The following FBLN2 variants were observed in gnomAD, a reference collection of about 807,000 sequenced individuals.
FBLN2 encodes the protein fibulin 2.
FBLN2 carries 81 observed loss-of-function variants against 123.7 expected under a neutral mutation model. That is an observed-to-expected ratio of 0.65 (90% CI 0.55 to 0.79). FBLN2 has a LOEUF of 0.79. Among genes scored for constraint, FBLN2 ranks in the 30% least tolerant of loss-of-function variants. The pLI is 0.00. For synonymous variants in FBLN2, 699 were observed against 701.4 expected, an observed-to-expected ratio of 1.00 and a Z score of 0.05; for missense variants, 1,603 against 1,681.3, an observed-to-expected ratio of 0.95 and a Z score of 0.81.
At chr3:13,590,197 T>TG (rs1456567374) in intron 2 of FBLN2, among the ~76,000 whole-genome samples, 6 of 152,198 alleles carry the variant, frequency 3.9e-5, no homozygotes, top group African/African-American at 1.4e-4. Flanking sequence ...TTTGTAGAGA[T>TG]GGGGTCTACC....
chr3:13,618,088 A>G lies in FBLN2; in HGVS notation c.1742A>G (p.Glu581Gly), dbSNP rs377647774. The G allele has an allele frequency of 1.2e-6, 2 of 1,613,128 alleles. No homozygotes were observed. The highest frequency in any genetic ancestry group is 8.5e-7 in the Non-Finnish European group (1 of 1,179,900). The change falls in exon 6 of 18, where the codon GAG becomes GGG. Residue 581 changes from glutamate (E) to glycine (G), a missense_variant. Transcript: ENST00000404922. ...ACCCCTGTCCTAGTTTCAGAGGCAGAGATGGCGGGCCGAGAGGCCCTGTCA... is the reference window on the plus strand; with the variant it reads ...ACCCCTGTCCTAGTTTCAGAGGCAGGGATGGCGGGCCGAGAGGCCCTGTCA... ...AAAPRRVSEA[E>G]MAGREALSLG...
rs76731692 is a variant in FBLN2 at position 13,574,390 on chromosome 3, T to C, written c.1306+2729T>C. ...AGGGTTCCTCCGTGTGGCCCTCCAT[T>C]GTGCCAGCCCTGCGGGAAAAGCCGC... On this transcript the variant is annotated intron_variant, in intron 2 of 17. Transcript: ENST00000404922. Among the ~76,000 whole-genome samples the C allele has an allele frequency of 6.8e-3, 1,043 of 152,288 alleles. 4 individuals carry two copies. The highest frequency in any genetic ancestry group is 0.027 in the Middle Eastern group (8 of 294).
chr3:13,621,835 C>T lies in FBLN2; in HGVS notation c.2216C>T (p.Thr739Ile). 1.9e-6 allele frequency: 3 copies of T among 1,614,004 alleles called. No homozygotes were observed. Among genetic ancestry groups the T allele is most frequent in the Non-Finnish European group, 8.5e-7 (1 of 1,179,888 alleles). The change falls in exon 9 of 18, where the codon ACC becomes ATC. Residue 739 changes from threonine (T) to isoleucine (I), a missense_variant. Coordinates refer to ENST00000404922, the MANE Select transcript of FBLN2 (RefSeq NM_001004019.2). ...AGCCGGCGACAGTTCTGTGTGAACACCCTGGGATCCTTCTACTGTGTCAAC... is the reference window on the plus strand; with the variant it reads ...AGCCGGCGACAGTTCTGTGTGAACATCCTGGGATCCTTCTACTGTGTCAAC... Reference protein sequence around the residue: ...DCSRRQFCVNTLGSFYCVNHT... With the variant: ...DCSRRQFCVNILGSFYCVNHT...
chr3:13,628,086 C>T (rs548328085), intron 11 of FBLN2, 117 bp downstream of exon 11: 6 of 1,331,644 alleles, frequency 4.5e-6, no homozygotes, highest in African/African-American at 2.9e-5. Context: ...ATTCCTCTCC[C>T]AGCCCCCTTG....
chr3:13,601,586 G>A (rs749043055), intron 2 of FBLN2, among the ~76,000 whole-genome samples: 11 of 152,178 alleles, frequency 7.2e-5, no homozygotes, highest in Non-Finnish European at 1.5e-4. Flanking sequence ...CCCGGCCTCC[G>A]ACACAGCACC....
At chr3:13,637,435 G>A (rs1428126088) in intron 17 of FBLN2, 127 bp from the exon 18 acceptor site, 2 of 847,800 alleles carry the variant, frequency 2.4e-6, no homozygotes, top group Non-Finnish European at 3.6e-6. Context: ...GGACTTGCCT[G>A]AGGCTTCCCG....
chr3:13,610,043 G>A (rs1205480464), intron 4 of FBLN2, among the ~76,000 whole-genome samples: 2 of 152,362 alleles, frequency 1.3e-5, no homozygotes, highest in Admixed American at 1.3e-4. Context: ...GATAAGTAGT[G>A]TCAGGGCTGG....
Position 13,608,003 on chromosome 3 carries a change from A to G in FBLN2, c.1307-59A>G. 4 of 1,382,474 alleles carry G rather than the reference A, an allele frequency of 2.9e-6. 1 individual carries two copies. In the South Asian group the frequency reaches 3.8e-5, roughly 13 times the overall value. 85.6% of individuals were successfully genotyped at this position (1,382,474 alleles called of 1,614,324 possible). On this transcript the variant is annotated intron_variant, in intron 2 of 17. Transcript: ENST00000404922. ...AAAGGAGACCTGGACAGGCCCCTGC[A>G]TATCTGCTGGACTTGGTGACTTATG...
In FBLN2 at chr3:13,552,037, C is replaced by T. The variant is rs183670449; in HGVS notation, c.-42+2829C>T. ...TATTTTTTGTAGAGATGAGGTCTCA[C>T]TTTGTTACTCAGGCTGATCTTGAAC... On this transcript the variant is annotated intron_variant, in intron 1 of 17. Coordinates refer to ENST00000404922, the MANE Select transcript of FBLN2 (RefSeq NM_001004019.2). Among the ~76,000 whole-genome samples the T allele has an allele frequency of 7.2e-5, 11 of 152,212 alleles. No homozygotes were observed. In the East Asian group the frequency reaches 1.7e-3, roughly 24 times the overall value.
chr3:13,577,736 A>T (rs1704196595), intron 2 of FBLN2, among the ~76,000 whole-genome samples: 1 of 152,096 alleles, frequency 6.6e-6, no homozygotes, highest in Admixed American at 6.5e-5. Context: ...AGGTCCACAG[A>T]GCTCCGTGGC....
intron 1 of FBLN2, among the ~76,000 whole-genome samples, chr3:13,556,274 C>T (rs913130893): frequency 1.3e-5 from 2 of 149,610 alleles, no homozygotes; most frequent in African/African-American, 2.4e-5. Flanking sequence ...GTTTTCTTCC[C>T]GGCATGCACG....
Position 13,609,649 on chromosome 3 carries a change from C to A in FBLN2, c.1548+7C>A, listed in dbSNP as rs35286972. 8.1e-7 allele frequency: 1 copy of A among 1,238,666 alleles called. No individual in the cohort carries two copies. 76.7% of individuals were successfully genotyped at this position (1,238,666 alleles called of 1,614,324 possible). A position where few individuals can be genotyped will look rare whatever the true frequency, so the allele number is the denominator to read the frequency against. Reference sequence around the variant, plus strand: ...CGGCATCTCCCTGTACAAGGCAAGCCTGACCTGTGGCCTTCAAGGCAGGGT... The same window carrying A: ...CGGCATCTCCCTGTACAAGGCAAGCATGACCTGTGGCCTTCAAGGCAGGGT... On this transcript the variant is annotated splice_region_variant and intron_variant, in intron 4 of 17. Coordinates refer to ENST00000404922, the MANE Select transcript of FBLN2 (RefSeq NM_001004019.2).
chr3:13,582,302 G>C (rs1704357735), intron 2 of FBLN2, among the ~76,000 whole-genome samples: 1 of 152,196 alleles, frequency 6.6e-6, no homozygotes, highest in South Asian at 2.1e-4. Flanking sequence ...TTGGCCTCCT[G>C]AGCCTTCCAG....
At position 13,609,481 on chromosome 3, in the gene FBLN2, G is replaced by A. The variant is rs373592072; in HGVS notation, c.1419-32G>A. On this transcript the variant is annotated intron_variant, in intron 3 of 17. Coordinates refer to ENST00000404922, the MANE Select transcript of FBLN2 (RefSeq NM_001004019.2). ...TCCACTCTGGGAGGATGAGGTGGGCGACTGGGGGCTAAGTTACCCCCTCTG... is the reference window on the plus strand; with the variant it reads ...TCCACTCTGGGAGGATGAGGTGGGCAACTGGGGGCTAAGTTACCCCCTCTG... 7.0e-5 allele frequency: 106 copies of A among 1,519,122 alleles called. No homozygotes were observed. The African/African-American group carries it at 8.0e-4, about 11-fold the overall frequency. 94.1% of individuals were successfully genotyped at this position (1,519,122 alleles called of 1,614,324 possible). A position where few individuals can be genotyped will look rare whatever the true frequency, so the allele number is the denominator to read the frequency against.
chr3:13,604,298 A>G (rs1390397532), intron 2 of FBLN2, among the ~76,000 whole-genome samples: 1 of 152,178 alleles, frequency 6.6e-6, no homozygotes, highest in African/African-American at 2.4e-5. Flanking sequence ...TTAGACATGA[A>G]GTCCTTGCCC....
chr3:13,629,799 C>T, intron 13 of FBLN2, 21 bp from the exon 14 acceptor site: 1 of 1,558,500 alleles, frequency 6.4e-7, no homozygotes, highest in Non-Finnish European at 8.7e-7. Context: ...TACCCTGTAC[C>T]TGCTGCCTGC....
chr3:13,614,132 G>T lies in FBLN2; in HGVS notation c.1697G>T (p.Arg566Leu), dbSNP rs556782652. 6 of 1,612,828 alleles carry T rather than the reference G, an allele frequency of 3.7e-6. No homozygotes were observed. The highest frequency in any genetic ancestry group is 5.1e-6 in the Non-Finnish European group (6 of 1,179,844). The change falls in exon 5 of 18, where the codon CGA becomes CTA. Residue 566 changes from arginine (R) to leucine (L), a missense_variant. Physicochemically the swap from Arg to Leu is moderately radical, Grantham distance 102. Transcript: ENST00000404922. ...CCTCTCATAGTACCTGAGGTTCGCC[G>T]ACCTCCAGAGCCCGCAGCTGCACCA... ...EEPLIVPEVRRPPEPAAAPRR... is the reference protein window; with the variant it reads ...EEPLIVPEVRLPPEPAAAPRR...
chr3:13,589,160 G>T (rs1868709), intron 2 of FBLN2, among the ~76,000 whole-genome samples: 1 of 151,958 alleles, frequency 6.6e-6, no homozygotes, highest in Admixed American at 6.6e-5. Context: ...ATCAGGGCAG[G>T]CCAGAGTTGT....
intron 2 of FBLN2, among the ~76,000 whole-genome samples, chr3:13,605,406 T>G (rs1705168860): frequency 6.6e-6 from 1 of 152,228 alleles, no homozygotes; most frequent in Non-Finnish European, 1.5e-5. Context: ...AAGTATGCAT[T>G]GTTATTTTAT....
Sources: gnomAD v4.1 joint callset for allele counts (sites outside exome capture counted in the v4.1 genomes callset) on GRCh38, gnomAD v4.1.1 for gene constraint, MANE v1.5 for transcripts, NCBI Gene and HGNC (gene_info 2026-07-23, HGNC 2026-07-21) for gene names.